The following SLAMF1 variants were observed in gnomAD, a reference collection of about 807,000 sequenced individuals.
The protein encoded by SLAMF1 is signaling lymphocytic activation molecule.
SLAMF1 carries 18 observed loss-of-function variants against 35.1 expected under a neutral mutation model. The ratio of observed to expected loss-of-function variants is 0.51; its 90% CI spans 0.35 to 0.76. The LOEUF is 0.76. SLAMF1 is among the 30% of genes least tolerant of loss of function. The pLI is 0.01. For synonymous variants in SLAMF1, 168 were observed against 157.2 expected (o/e 1.07, Z -0.51); for missense variants, 392 against 413.0 (o/e 0.95, Z 0.44).
chr1:160,610,837 A>C, intron 6 of SLAMF1, 39 bp from the exon 7 acceptor site: 1 of 1,409,400 alleles, frequency 7.1e-7, no homozygotes. Context: ...GAGGGACTGG[A>C]TACTCACTTC....
At chr1:160,637,153 G>T in intron 2 of SLAMF1, 38 bp downstream of exon 2, 1 of 1,428,848 alleles carries the variant, frequency 7.0e-7, no homozygotes, top group Non-Finnish European at 9.9e-7. Context: ...GGAGCACCTT[G>T]GCCCTTTAGT....
chr1:160,611,249 T>C (rs1246287776), intron 6 of SLAMF1, among the ~76,000 whole-genome samples: 1 of 152,216 alleles, frequency 6.6e-6, no homozygotes, highest in Non-Finnish European at 1.5e-5. Flanking sequence ...AAGAGGGTTA[T>C]GCGCAAAGAT....
chr1:160,646,865 C>G lies in SLAMF1; in HGVS notation c.76+5G>C. 5 of 1,558,270 alleles carry G rather than the reference C, an allele frequency of 3.2e-6. No homozygotes were observed. The highest frequency in any genetic ancestry group is 4.4e-6 in the Non-Finnish European group (5 of 1,129,608). On this transcript the variant is annotated splice_donor_5th_base_variant and intron_variant, in intron 1 of 6. Transcript: ENST00000302035. ...ACTCAAACCATCAGGCAGATGAACA[C>G]TCACCTGTTCCGTAGCTTGCCCCAA...
At chr1:160,631,712 A>G (rs368181478) in intron 3 of SLAMF1, among the ~76,000 whole-genome samples, 1 of 152,222 alleles carries the variant, frequency 6.6e-6, no homozygotes, top group East Asian at 1.9e-4. Flanking sequence ...CGAAGGAAAG[A>G]CCAGGTGAGA....
Position 160,621,951 on chromosome 1 carries a change from C to T in SLAMF1, c.791-2102G>A, listed in dbSNP as rs111643709. ...CAGAGGAGGTTCAAGTTAGTCCCCA[C>T]GAGTGTTTGCAAAGTAAGACATGCC... On this transcript the variant is annotated intron_variant, in intron 4 of 6. Coordinates refer to ENST00000302035, the MANE Select transcript of SLAMF1 (RefSeq NM_003037.5). Among the ~76,000 whole-genome samples the T allele has an allele frequency of 4.1e-3, 620 of 151,584 alleles. 3 individuals are homozygous for T. The highest frequency in any genetic ancestry group is 5.0e-3 in the African/African-American group (207 of 41,238).
chr1:160,618,626 A>G lies in SLAMF1; in HGVS notation c.864+1150T>C, dbSNP rs1230456063. Among the ~76,000 whole-genome samples, 4 of 152,332 alleles carry G rather than the reference A, an allele frequency of 2.6e-5. No homozygotes were observed. In the East Asian group the frequency reaches 7.7e-4, roughly 29 times the overall value. ...TGCAGGTCAGCTCAGACTCAAATGTAGAACTGGGAGGACAGTCCTGAACTG... is the reference window on the plus strand; with the variant it reads ...TGCAGGTCAGCTCAGACTCAAATGTGGAACTGGGAGGACAGTCCTGAACTG... On this transcript the variant is annotated intron_variant, in intron 5 of 6. Coordinates refer to ENST00000302035, the MANE Select transcript of SLAMF1 (RefSeq NM_003037.5).
intron 3 of SLAMF1, among the ~76,000 whole-genome samples, chr1:160,627,356 T>C (rs2102311416): frequency 6.6e-6 from 1 of 152,326 alleles, no homozygotes; most frequent in Middle Eastern, 3.4e-3. Context: ...GACCATCTCT[T>C]ACACTACTTT....
At chr1:160,629,839 C>T (rs746467036) in intron 3 of SLAMF1, among the ~76,000 whole-genome samples, 2 of 152,190 alleles carry the variant, frequency 1.3e-5, no homozygotes, top group Admixed American at 6.5e-5. Flanking sequence ...CAGGTTTTTC[C>T]TTTCCACCAT....
intron 2 of SLAMF1, among the ~76,000 whole-genome samples, chr1:160,635,859 G>C (rs951523581): frequency 6.6e-6 from 1 of 151,976 alleles, no homozygotes; most frequent in Admixed American, 6.6e-5. Flanking sequence ...GATTACAGGC[G>C]TGAGCCACCT....
intron 4 of SLAMF1, among the ~76,000 whole-genome samples, chr1:160,621,692 A>T (rs1659617176): frequency 1.3e-5 from 2 of 151,716 alleles, no homozygotes; most frequent in East Asian, 1.9e-4. Context: ...TGAGGGTGTG[A>T]GTCTTGGGGA....
intron 4 of SLAMF1, among the ~76,000 whole-genome samples, chr1:160,620,431 T>A (rs1311722280): frequency 2.6e-5 from 4 of 152,168 alleles, no homozygotes; most frequent in Non-Finnish European, 5.9e-5. Context: ...AACAATGTCA[T>A]TCTGTTGCCC....
chr1:160,634,905 G>A lies in SLAMF1; in HGVS notation c.416-8C>T, dbSNP rs763360070. On this transcript the variant is annotated splice_polypyrimidine_tract_variant and splice_region_variant and intron_variant, in intron 2 of 6. Coordinates refer to ENST00000302035, the MANE Select transcript of SLAMF1 (RefSeq NM_003037.5). ...CTGGAGTGGAGACCTGCTCTGTCAGGAGTGGGAGGAAGGGAGCCATCACTG... is the reference window on the plus strand; with the variant it reads ...CTGGAGTGGAGACCTGCTCTGTCAGAAGTGGGAGGAAGGGAGCCATCACTG... 6.3e-7 allele frequency: 1 copy of A among 1,599,866 alleles called. No homozygotes were observed. The highest frequency in any genetic ancestry group is 1.1e-5 in the South Asian group (1 of 90,094).
At chr1:160,629,840 T>C (rs1232419301) in intron 3 of SLAMF1, among the ~76,000 whole-genome samples, 1 of 152,210 alleles carries the variant, frequency 6.6e-6, no homozygotes, top group Non-Finnish European at 1.5e-5. Context: ...AGGTTTTTCC[T>C]TTCCACCATT....
intron 1 of SLAMF1, among the ~76,000 whole-genome samples, chr1:160,643,401 G>A (rs145709299): frequency 1.6e-3 from 238 of 152,232 alleles, no homozygotes; most frequent in African/African-American, 5.4e-3. Flanking sequence ...TGGCACCCTG[G>A]GCGCTCTACC....
chr1:160,634,808 C>T lies in SLAMF1; in HGVS notation c.505G>A (p.Gly169Arg). 1 of 1,614,098 alleles carries T rather than the reference C, an allele frequency of 6.2e-7. No homozygotes were observed. Among genetic ancestry groups the T allele is most frequent in the Non-Finnish European group, 8.5e-7 (1 of 1,180,012 alleles). The stretch of plus-strand genomic sequence containing the variant: ...CTCCAGCTGTAAGCCACATGGTCCC[C>T]CTTCTCCACTGTGCAGCCCAGTATC... ...TLILGCTVEK[G>R]DHVAYSWSEK... The change falls in exon 3 of 7, where the codon GGG (glycine) becomes AGG (arginine). Residue 169 changes from glycine (G) to arginine (R), a missense_variant. By Grantham distance (125) the Gly-to-Arg change is moderately radical. Coordinates refer to ENST00000302035, the MANE Select transcript of SLAMF1 (RefSeq NM_003037.5).
At chr1:160,624,045 C>T (rs1342448473) in intron 4 of SLAMF1, 51 bp downstream of exon 4, 1 of 1,336,350 alleles carries the variant, frequency 7.5e-7, no homozygotes, top group African/African-American at 1.5e-5. Context: ...GAGAGGTCCC[C>T]TGCTTACCAC....
intron 3 of SLAMF1, among the ~76,000 whole-genome samples, chr1:160,630,540 T>C (rs937412784): frequency 6.6e-6 from 1 of 152,178 alleles, no homozygotes; most frequent in Non-Finnish European, 1.5e-5. Context: ...CAACCTCTAA[T>C]AAACCCTCGG....
chr1:160,620,606 A>G (rs1387672016), intron 4 of SLAMF1, among the ~76,000 whole-genome samples: 1 of 152,202 alleles, frequency 6.6e-6, no homozygotes, highest in East Asian at 1.9e-4. Flanking sequence ...GTATAAAGTA[A>G]AAAGTATAAA....
chr1:160,619,957 C>G, intron 4 of SLAMF1, 108 bp from the exon 5 acceptor site: 1 of 760,108 alleles, frequency 1.3e-6, no homozygotes, highest in Non-Finnish European at 2.4e-6. Flanking sequence ...CCCAAGGGCA[C>G]AATGGAAACA....
Sources: allele counts gnomAD v4.1 joint callset (sites outside exome capture counted in the v4.1 genomes callset), GRCh38; gene constraint gnomAD v4.1.1; transcripts MANE v1.5; gene names NCBI Gene and HGNC (gene_info 2026-07-23, HGNC 2026-07-21).